The following PCDHA5 variants were observed in gnomAD, a reference collection of about 807,000 sequenced individuals.
PCDHA5 encodes the protein protocadherin alpha-5.
In PCDHA5, 43 loss-of-function variants were observed where a neutral mutation model predicts 61.6. The observed-to-expected ratio is 0.70, with a 90% CI of 0.55 to 0.90. PCDHA5 has a LOEUF of 0.90. PCDHA5 is among the 40% of genes least tolerant of loss of function. The pLI, the probability that PCDHA5 is intolerant of heterozygous loss-of-function variation, is 0.00. For synonymous variants in PCDHA5, 627 were observed against 543.9 expected (o/e 1.15, Z -2.13); for missense variants, 1,298 against 1,222.7 (o/e 1.06, Z -0.92).
chr5:140,912,395 T>C (rs782718158), intron 1 of PCDHA5, among the ~76,000 whole-genome samples: 10 of 152,138 alleles, frequency 6.6e-5, no homozygotes, highest in Non-Finnish European at 1.5e-4. Flanking sequence ...CTTAATTTGA[T>C]TCTCAGCTTG....
At chr5:141,007,476 G>A (rs1412241964) in intron 3 of PCDHA5, among the ~76,000 whole-genome samples, 1 of 151,712 alleles carries the variant, frequency 6.6e-6, no homozygotes, top group Non-Finnish European at 1.5e-5. Context: ...GCTGAGGCAC[G>A]AGAATTACTT....
At chr5:140,841,916 T>A (rs1554138648) in intron 1 of PCDHA5, 11 of 1,613,792 alleles carry the variant, frequency 6.8e-6, no homozygotes, top group Non-Finnish European at 9.3e-6. Flanking sequence ...ATTAAGAAAA[T>A]CCTTGGACAG....
At chr5:140,893,818 G>A (rs184696543) in intron 1 of PCDHA5, among the ~76,000 whole-genome samples, 14 of 152,114 alleles carry the variant, frequency 9.2e-5, no homozygotes, top group Admixed American at 3.3e-4. Context: ...GTCTGGTACC[G>A]TAGACTACTC....
intron 1 of PCDHA5, chr5:140,871,575 A>C (rs974047385): frequency 1.4e-6 from 2 of 1,477,482 alleles, no homozygotes; most frequent in Non-Finnish European, 1.8e-6. Flanking sequence ...GGATTTTTTA[A>C]GGGAAAGTTT....
At chr5:140,833,751 A>AACACAC (rs34569136) in intron 1 of PCDHA5, among the ~76,000 whole-genome samples, 39 of 151,358 alleles carry the variant, frequency 2.6e-4, no homozygotes, top group Middle Eastern at 3.4e-3. Context: ...CTAAAAAGAA[A>AACACAC]ACACACACAC....
intron 1 of PCDHA5, chr5:140,824,439 T>C (rs1488626108): frequency 1.0e-5 from 5 of 480,500 alleles, no homozygotes; most frequent in Admixed American, 3.9e-5. Flanking sequence ...AAGTTTCAGT[T>C]TATGACTACA....
intron 1 of PCDHA5, chr5:140,850,875 G>T: frequency 6.3e-7 from 1 of 1,590,472 alleles, no homozygotes; most frequent in Non-Finnish European, 8.6e-7. Flanking sequence ...TGCTTCCTCA[G>T]ATTCAACTGG....
rs2150117508 is a variant in PCDHA5, at chr5:140,822,585, G to C, written c.810G>C (p.Glu270Asp). The C allele has an allele frequency of 1.2e-5, 20 of 1,611,928 alleles. No homozygotes were observed. The highest frequency in any genetic ancestry group is 1.6e-5 in the Non-Finnish European group (19 of 1,178,334). ...AACTGAACGCCTCAGATGCAGATGA[G>C]GGCATCAATAAGGAAATAGTGTATT... ...VIKLNASDAD[E>D]GINKEIVYFF... The change falls in exon 1 of 4, where the codon GAG (glutamate) becomes GAC (aspartate). Residue 270 changes from glutamate (E) to aspartate (D), a missense_variant. By Grantham distance (45) the Glu-to-Asp change is conservative. Coordinates refer to ENST00000529859, the MANE Select transcript of PCDHA5 (RefSeq NM_018908.3).
chr5:140,872,209 T>C (rs900203010), intron 1 of PCDHA5, among the ~76,000 whole-genome samples: 4 of 152,214 alleles, frequency 2.6e-5, no homozygotes, highest in South Asian at 2.1e-4. Context: ...AAATTCATTA[T>C]ATATGAAACA....
At chr5:140,829,622 C>G in intron 1 of PCDHA5, 1 of 1,612,190 alleles carries the variant, frequency 6.2e-7, no homozygotes, top group Non-Finnish European at 8.5e-7. Context: ...CATTTCGGTG[C>G]ACGCGGAGAG....
intron 1 of PCDHA5, chr5:140,857,129 G>A: frequency 6.3e-7 from 1 of 1,598,280 alleles, no homozygotes; most frequent in Non-Finnish European, 8.6e-7. Context: ...AGTGAAAGAA[G>A]ATGCTCAAGT....
At chr5:140,955,163 TTTGG>T (rs1445630947) in intron 1 of PCDHA5, among the ~76,000 whole-genome samples, 2 of 152,184 alleles carry the variant, frequency 1.3e-5, no homozygotes, top group Admixed American at 6.5e-5. Flanking sequence ...ACCGTGCTGT[TTTGG>T]TTACTGTAGT....
intron 1 of PCDHA5, among the ~76,000 whole-genome samples, chr5:140,855,209 T>C (rs951600231): frequency 6.7e-6 from 1 of 149,880 alleles, no homozygotes; most frequent in Non-Finnish European, 1.5e-5. Flanking sequence ...TAGTTTCCAT[T>C]TATGAAGCAC....
At chr5:140,837,263 G>C (rs2150274412) in intron 1 of PCDHA5, 1 of 152,030 alleles carries the variant, frequency 6.6e-6, no homozygotes, top group East Asian at 1.9e-4. Flanking sequence ...TATCATATTT[G>C]TGTAGCACTG....
At chr5:140,843,042 G>C in intron 1 of PCDHA5, 1 of 1,595,168 alleles carries the variant, frequency 6.3e-7, no homozygotes, top group Non-Finnish European at 8.6e-7. Context: ...GGTGGCACTG[G>C]TGGCGCAGCG....
chr5:140,972,080 AAG>A (rs1446545098), intron 1 of PCDHA5, among the ~76,000 whole-genome samples: 8 of 152,208 alleles, frequency 5.3e-5, no homozygotes, highest in African/African-American at 1.9e-4. Flanking sequence ...CTTTTGGAAA[AAG>A]AGTAATTTCT....
At chr5:140,859,230 G>A (rs1168816968) in intron 1 of PCDHA5, 2 of 149,852 alleles carry the variant, frequency 1.3e-5, no homozygotes, top group Non-Finnish European at 3.0e-5. Context: ...TAAGGAAGGA[G>A]TCATGCTTAT....
At chr5:140,875,130 C>T (rs2055283720) in intron 1 of PCDHA5, among the ~76,000 whole-genome samples, 1 of 151,894 alleles carries the variant, frequency 6.6e-6, no homozygotes, top group Admixed American at 6.6e-5. Context: ...TAACTAAACC[C>T]GCATTTATAA....
intron 3 of PCDHA5, among the ~76,000 whole-genome samples, chr5:140,991,573 G>C (rs1406319253): frequency 2.0e-5 from 3 of 152,036 alleles, no homozygotes; most frequent in Non-Finnish European, 4.4e-5. Context: ...CCAATAACAG[G>C]CTCCTTATTT....
Sources: gnomAD v4.1 joint callset for allele counts (sites outside exome capture counted in the v4.1 genomes callset) on GRCh38, gnomAD v4.1.1 for gene constraint, MANE v1.5 for transcripts, NCBI Gene and HGNC (gene_info 2026-07-23, HGNC 2026-07-21) for gene names.